BMP6: variants seen among roughly 807,000 people sequenced by gnomAD.
BMP6 encodes the protein VG-1-R.
A neutral mutation model predicts 54.1 loss-of-function variants in BMP6; 17 were observed. The ratio of observed to expected loss-of-function variants is 0.31; its 90% CI spans 0.22 to 0.47. The LOEUF is 0.47. Among genes scored for constraint, BMP6 ranks in the 20% least tolerant of loss-of-function variants. The pLI is 1.00. For missense variants in BMP6, 720 were observed against 690.4 expected (o/e 1.04, Z -0.48); for synonymous variants, 328 against 291.2 (o/e 1.13, Z -1.28).
At chr6:7,861,196 A>AGG (rs1218875716) in intron 2 of BMP6, among the ~76,000 whole-genome samples, 3 of 45,328 alleles carry the variant, frequency 6.6e-5, no homozygotes, top group African/African-American at 2.5e-4. Flanking sequence ...TAAAGTTGAG[A>AGG]GGGTCTGCCG....
At chr6:7,833,756 A>G (rs549745550) in intron 1 of BMP6, among the ~76,000 whole-genome samples, 1 of 152,250 alleles carries the variant, frequency 6.6e-6, no homozygotes, top group African/African-American at 2.4e-5. Flanking sequence ...TGCTTTGTAA[A>G]CTCTTCAGAC....
chr6:7,786,702 C>G (rs1345430667), intron 1 of BMP6, among the ~76,000 whole-genome samples: 2 of 152,106 alleles, frequency 1.3e-5, no homozygotes, highest in Admixed American at 6.5e-5. Context: ...GACAAGCCCT[C>G]CCTAGCACTT....
At chr6:7,807,070 ATT>A (rs1561777838) in intron 1 of BMP6, among the ~76,000 whole-genome samples, 1 of 152,136 alleles carries the variant, frequency 6.6e-6, no homozygotes, top group South Asian at 2.1e-4. Flanking sequence ...CTTGCTTCAG[ATT>A]GTCAATTTTT....
intron 1 of BMP6, among the ~76,000 whole-genome samples, chr6:7,791,911 C>A (rs1311270051): frequency 2.6e-5 from 4 of 152,126 alleles, no homozygotes; most frequent in African/African-American, 9.7e-5. Context: ...ACTTAAGAAT[C>A]AAAAACCCTG....
chr6:7,847,469 G>T (rs1169677191), intron 2 of BMP6, among the ~76,000 whole-genome samples: 1 of 152,216 alleles, frequency 6.6e-6, no homozygotes, highest in Non-Finnish European at 1.5e-5. Context: ...CTCCCCATCT[G>T]TACCATCTTG....
At chr6:7,727,874 G>C (rs932043209) in intron 1 of BMP6, among the ~76,000 whole-genome samples, 16 of 151,358 alleles carry the variant, frequency 1.1e-4, no homozygotes, top group Admixed American at 9.2e-4. Context: ...GCGGGGCTCC[G>C]GGAGCGCTGT....
At chr6:7,874,239 C>T (rs1421551667) in intron 4 of BMP6, among the ~76,000 whole-genome samples, 1 of 152,204 alleles carries the variant, frequency 6.6e-6, no homozygotes, top group Non-Finnish European at 1.5e-5. Context: ...CCACAGCTAA[C>T]TGCAGTGGGA....
At chr6:7,878,568 G>A (rs748337033) in intron 4 of BMP6, among the ~76,000 whole-genome samples, 4 of 152,190 alleles carry the variant, frequency 2.6e-5, no homozygotes, top group Non-Finnish European at 4.4e-5. Context: ...CCTCTCCCCC[G>A]TTCCTGGGCC....
chr6:7,761,217 A>T (rs537796800), intron 1 of BMP6, among the ~76,000 whole-genome samples: 1 of 152,352 alleles, frequency 6.6e-6, no homozygotes, highest in Non-Finnish European at 1.5e-5. Context: ...TATGAGTCAG[A>T]TTACTGTTAC....
chr6:7,780,549 C>CA lies in BMP6; in HGVS notation c.664+52941dup, dbSNP rs545210985. ...GGACAACAAGAGTGAAATTCCATCG[C>CA]AAAAAAAAAAAGCAAGGGAGACTCT... is the stretch of plus-strand genomic sequence containing the variant. On this transcript the variant is annotated intron_variant, in intron 1 of 6. Coordinates refer to ENST00000283147, the MANE Select transcript of BMP6 (RefSeq NM_001718.6). Among the ~76,000 whole-genome samples, 744 of 128,228 alleles carry CA rather than the reference C, an allele frequency of 5.8e-3. 6 individuals are homozygous for CA. Among genetic ancestry groups the CA allele is most frequent in the East Asian group, 0.029 (129 of 4,522 alleles). The allele number at this position is 128,228 out of a possible 152,430, so 84.1% of individuals were successfully genotyped here.
chr6:7,859,056 AC>A (rs1167895137), intron 2 of BMP6, among the ~76,000 whole-genome samples: 1 of 151,776 alleles, frequency 6.6e-6, no homozygotes, highest in African/African-American at 2.4e-5. Flanking sequence ...ATCTGCACTG[AC>A]CCCGTAGGTG....
rs758076915 is a variant in BMP6 at position 7,845,224 on chromosome 6, T to A, written c.749T>A (p.Val250Glu). ...FNLSQIPEGEVVTAAEFRIYK... is the reference protein window; with the variant it reads ...FNLSQIPEGEEVTAAEFRIYK... ...TTATCCCAGATTCCTGAGGGTGAGGTGGTGACGGCTGCAGAATTCCGCATC... is the reference window on the plus strand; with the variant it reads ...TTATCCCAGATTCCTGAGGGTGAGGAGGTGACGGCTGCAGAATTCCGCATC... Residue 250 changes from valine to glutamate, a missense_variant, in exon 2 of 7, where the codon GTG (valine) becomes GAG (glutamate). Physicochemically the swap from Val to Glu is moderately radical, Grantham distance 121. Coordinates refer to ENST00000283147, the MANE Select transcript of BMP6 (RefSeq NM_001718.6). The A allele has an allele frequency of 1.2e-6, 2 of 1,614,086 alleles. No individual in the cohort carries two copies. Among genetic ancestry groups the A allele is most frequent in the South Asian group, 1.1e-5 (1 of 91,074 alleles).
chr6:7,770,326 C>T (rs1248633756), intron 1 of BMP6, among the ~76,000 whole-genome samples: 2 of 152,156 alleles, frequency 1.3e-5, no homozygotes, highest in South Asian at 2.1e-4. Context: ...TTGTTAAATA[C>T]TAGGTCCTGG....
At chr6:7,795,876 C>T (rs539734712) in intron 1 of BMP6, among the ~76,000 whole-genome samples, 25 of 152,130 alleles carry the variant, frequency 1.6e-4, no homozygotes, top group East Asian at 3.9e-4. Flanking sequence ...TGGATGGAGG[C>T]GCCTCTAAAT....
chr6:7,829,550 A>C (rs913654593), intron 1 of BMP6, among the ~76,000 whole-genome samples: 2 of 152,172 alleles, frequency 1.3e-5, no homozygotes, highest in African/African-American at 2.4e-5. Context: ...CAAAAAAATA[A>C]AAAACATTAG....
At chr6:7,853,870 G>A (rs1162200058) in intron 2 of BMP6, among the ~76,000 whole-genome samples, 1 of 151,432 alleles carries the variant, frequency 6.6e-6, no homozygotes, top group Non-Finnish European at 1.5e-5. Context: ...CCTAGTCAAG[G>A]GCATATGACT....
intron 1 of BMP6, among the ~76,000 whole-genome samples, chr6:7,795,781 C>G (rs764432193): frequency 1.3e-4 from 20 of 151,954 alleles, no homozygotes; most frequent in Non-Finnish European, 2.9e-4. Context: ...ATGAGTGGGA[C>G]TTAGTGCTGA....
intron 2 of BMP6, among the ~76,000 whole-genome samples, chr6:7,846,854 G>C (rs1759073405): frequency 6.6e-6 from 1 of 152,084 alleles, no homozygotes; most frequent in South Asian, 2.1e-4. Context: ...TTTTCAGTCT[G>C]CCTAATTATT....
chr6:7,849,130 T>C (rs1428254076), intron 2 of BMP6, among the ~76,000 whole-genome samples: 1 of 152,224 alleles, frequency 6.6e-6, no homozygotes, highest in Non-Finnish European at 1.5e-5. Context: ...AACCTCCTTA[T>C]GACACATCCT....
Sources: allele counts gnomAD v4.1 joint callset (sites outside exome capture counted in the v4.1 genomes callset), GRCh38; gene constraint gnomAD v4.1.1; transcripts MANE v1.5; gene names NCBI Gene and HGNC (gene_info 2026-07-23, HGNC 2026-07-21).